Variants in PROX1 observed in about 807,000 individuals in gnomAD.
PROX1 encodes prospero homeobox protein 1.
Under a neutral mutation model 58.8 loss-of-function variants are expected in PROX1, and 7 were observed. The observed-to-expected ratio is 0.12, with a 90% CI of 0.07 to 0.22. The LOEUF (loss-of-function observed/expected upper bound fraction) is 0.22, where lower values mean the gene tolerates loss of function less well. Ranked by LOEUF, PROX1 falls within the 10% of genes least tolerant of loss-of-function variation. The probability of loss-of-function intolerance (pLI) is 1.00; values close to 1 mark genes in which losing one functional copy is unlikely to be tolerated. For missense variants in PROX1, 675 were observed against 927.8 expected (o/e 0.73, Z 3.54); for synonymous variants, 350 against 358.3 (o/e 0.98, Z 0.26).
At position 213,998,090 on chromosome 1, in the gene PROX1, A is replaced by G; in HGVS notation, c.1555A>G (p.Arg519Gly). ...CTCTCCTGAATCCTTAGACTTAACT[A>G]GGGATACCACGAGTCTGAGGACCAA... ...RASPESLDLTRDTTSLRTKMS... is the reference protein window; with the variant it reads ...RASPESLDLTGDTTSLRTKMS... The change falls in exon 2 of 5, where the codon AGG becomes GGG. Residue 519 changes from arginine (R) to glycine (G), a missense_variant. Coordinates refer to ENST00000366958, the MANE Select transcript of PROX1 (RefSeq NM_001270616.2). 1 of 1,614,054 alleles carries G rather than the reference A, an allele frequency of 6.2e-7. No homozygotes were observed. Among genetic ancestry groups the G allele is most frequent in the Non-Finnish European group, 8.5e-7 (1 of 1,179,972 alleles).
At chr1:214,034,675 A>AACAC (rs151165479) in intron 4 of PROX1, among the ~76,000 whole-genome samples, 23 of 151,258 alleles carry the variant, frequency 1.5e-4, no homozygotes, top group Non-Finnish European at 2.5e-4. Flanking sequence ...TAATTAAGAG[A>AACAC]ACACACACAC....
At position 213,996,723 on chromosome 1, in the gene PROX1, A is replaced by T. The variant is rs768629604; in HGVS notation, c.188A>T (p.Asp63Val). The change falls in exon 2 of 5, where the codon GAT becomes GTT. Residue 63 changes from aspartate (D) to valine (V), a missense_variant. Around this residue, in one of 8 missense-constraint regions of PROX1, gnomAD observed 157 missense variants for 197.8 expected, o/e 0.79. Coordinates refer to ENST00000366958, the MANE Select transcript of PROX1 (RefSeq NM_001270616.2). ...DVEYSVVQHA[D>V]GEKSNVLRKL... ...GAGTATTCAGTGGTGCAGCATGCAG[A>T]TGGGGAAAAGTCAAATGTACTCCGC... 1.2e-6 allele frequency: 2 copies of T among 1,614,216 alleles called. No homozygotes were observed. Among genetic ancestry groups the T allele is most frequent in the Admixed American group, 1.7e-5 (1 of 60,028 alleles).
At chr1:214,005,083 C>T in intron 2 of PROX1, 82 bp from the exon 3 acceptor site, 1 of 1,102,854 alleles carries the variant, frequency 9.1e-7, no homozygotes, top group East Asian at 2.4e-5. Flanking sequence ...CCCCCAGACT[C>T]TATGGAGGTG....
At chr1:213,983,627 TG>T (rs1464421223), upstream of PROX1, among the ~76,000 whole-genome samples, 1 of 152,130 alleles carries the variant, frequency 6.6e-6, no homozygotes, top group Non-Finnish European at 1.5e-5. Flanking sequence ...GAACCAAAGA[TG>T]GTGGGCAAGA....
In PROX1 at chr1:214,036,429, A is replaced by C. The variant is rs1664832424; in HGVS notation, c.*595A>C. On this transcript the variant is annotated 3_prime_UTR_variant, in exon 5 of 5. Transcript: ENST00000366958. ...CAAAAGGCCAAATTAAAAAAGAAAA[A>C]TAATCACTCTCAAGCCTTGTCTAAG... 6.6e-6 allele frequency: 1 copy of C among 152,206 alleles called. No homozygotes were observed. Among genetic ancestry groups the C allele is most frequent in the South Asian group, 2.1e-4 (1 of 4,834 alleles). 9.4% of individuals were successfully genotyped at this position (152,206 alleles called of 1,614,324 possible).
intron 4 of PROX1, among the ~76,000 whole-genome samples, chr1:214,013,026 G>T (rs774726560): frequency 2.6e-5 from 4 of 152,094 alleles, no homozygotes; most frequent in Non-Finnish European, 4.4e-5. Flanking sequence ...CAATGGGGAA[G>T]TCATAGTTTT....
chr1:214,015,057 G>A (rs1405746159), intron 4 of PROX1, among the ~76,000 whole-genome samples: 1 of 152,156 alleles, frequency 6.6e-6, no homozygotes, highest in Non-Finnish European at 1.5e-5. Context: ...TGGCAGTAGA[G>A]CTTGTTCTGC....
chr1:214,000,066 A>ACAC (rs1663443295), intron 2 of PROX1, among the ~76,000 whole-genome samples: 1 of 151,888 alleles, frequency 6.6e-6, no homozygotes, highest in African/African-American at 2.4e-5. Flanking sequence ...ACACACACAC[A>ACAC]GACACACACA....
At chr1:214,012,433 A>G (rs1663946299) in intron 4 of PROX1, among the ~76,000 whole-genome samples, 1 of 152,224 alleles carries the variant, frequency 6.6e-6, no homozygotes, top group South Asian at 2.1e-4. Context: ...GAATTCCCAG[A>G]AAGCAATATC....
upstream of PROX1, chr1:213,984,274 A>C (rs1318265053): frequency 6.6e-6 from 1 of 152,150 alleles, no homozygotes; most frequent in East Asian, 1.9e-4. Context: ...CTTTCGATGA[A>C]ATTATATTTT....
intron 4 of PROX1, among the ~76,000 whole-genome samples, chr1:214,026,050 T>A (rs1664446038): frequency 6.6e-6 from 1 of 152,214 alleles, no homozygotes; most frequent in Non-Finnish European, 1.5e-5. Context: ...GTGCTTCCAG[T>A]TGTTTTTAAG....
intron 4 of PROX1, among the ~76,000 whole-genome samples, chr1:214,025,663 CTTT>C (rs539954941): frequency 5.9e-5 from 8 of 136,512 alleles, no homozygotes; most frequent in Admixed American, 1.5e-4. Context: ...TCTGTGATTC[CTTT>C]TTTTTTTTTT....
chr1:214,026,419 T>C (rs1437385484), intron 4 of PROX1, among the ~76,000 whole-genome samples: 1 of 152,178 alleles, frequency 6.6e-6, no homozygotes, highest in Non-Finnish European at 1.5e-5. Context: ...CTACTGGGGC[T>C]ATGGAAGAGA....
At chr1:214,009,341 C>T (rs2102726219) in intron 3 of PROX1, among the ~76,000 whole-genome samples, 1 of 152,322 alleles carries the variant, frequency 6.6e-6, no homozygotes, top group South Asian at 2.1e-4. Context: ...CATTAACACA[C>T]TACAGAGCTT....
chr1:214,037,261 A>C lies in PROX1; in HGVS notation c.*1427A>C, dbSNP rs1470422773. 2 of 152,154 alleles carry C rather than the reference A, an allele frequency of 1.3e-5. No homozygotes were observed. Among genetic ancestry groups the C allele is most frequent in the Non-Finnish European group, 2.9e-5 (2 of 68,030 alleles). 9.4% of individuals were successfully genotyped at this position (152,154 alleles called of 1,614,324 possible). On this transcript the variant is annotated 3_prime_UTR_variant, in exon 5 of 5. Transcript: ENST00000366958. ...TAGGTGGGTTTTTGTGTCCAGATGCAGTAAGAATTCATTGTTCATCCTAAA... is the reference window on the plus strand; with the variant it reads ...TAGGTGGGTTTTTGTGTCCAGATGCCGTAAGAATTCATTGTTCATCCTAAA...
In PROX1 at chr1:214,037,725, T is replaced by C. The variant is rs543400426; in HGVS notation, c.*1891T>C. 4.6e-5 allele frequency: 7 copies of C among 152,148 alleles called. No individual in the cohort carries two copies. Among genetic ancestry groups the C allele is most frequent in the African/African-American group, 1.7e-4 (7 of 41,416 alleles). The allele number at this position is 152,148 out of a possible 1,614,324, so 9.4% of individuals were successfully genotyped here. Reference sequence around the variant, plus strand: ...CATCTCCCAGCTCACACTCTACTAATGCACAGAGTCATTAGATCCAATTTG... The same window carrying C: ...CATCTCCCAGCTCACACTCTACTAACGCACAGAGTCATTAGATCCAATTTG... On this transcript the variant is annotated 3_prime_UTR_variant, in exon 5 of 5. Coordinates refer to ENST00000366958, the MANE Select transcript of PROX1 (RefSeq NM_001270616.2).
chr1:213,990,439 G>T, intron 1 of PROX1, among the ~76,000 whole-genome samples: 1 of 100,982 alleles, frequency 9.9e-6, no homozygotes, highest in Middle Eastern at 0.012. Context: ...TTGGGGTGGG[G>T]GGTGGGGGCA....
chr1:214,039,285 T>G lies in PROX1; in HGVS notation c.*3451T>G, dbSNP rs1197339925. The stretch of plus-strand genomic sequence containing the variant: ...GTTTCACATTAAATGGTAAAACACA[T>G]GGAAGATGTTAGAATGTAGTAATTA... On this transcript the variant is annotated 3_prime_UTR_variant, in exon 5 of 5. Transcript: ENST00000366958. 6.6e-6 allele frequency: 1 copy of G among 152,132 alleles called. No homozygotes were observed. Among genetic ancestry groups the G allele is most frequent in the Non-Finnish European group, 1.5e-5 (1 of 68,026 alleles). 9.4% of individuals were successfully genotyped at this position (152,132 alleles called of 1,614,324 possible).
At position 213,997,431 on chromosome 1, in the gene PROX1, T is replaced by A; in HGVS notation, c.896T>A (p.Met299Lys). Residue 299 changes from methionine (M) to lysine (K), a missense_variant, in exon 2 of 5, where the codon ATG (methionine) becomes AAG (lysine). By Grantham distance (95) the Met-to-Lys change is moderately conservative. Transcript: ENST00000366958. The surrounding 1 kb of genome is among the most constrained non-coding windows in gnomAD (Gnocchi z 7.1). ...TCTGTCGGAAGGTCAGATAATGAGATGTGCGAGCTAGACCCAGGACAGTTT... is the reference window on the plus strand; with the variant it reads ...TCTGTCGGAAGGTCAGATAATGAGAAGTGCGAGCTAGACCCAGGACAGTTT... Reference protein sequence around the residue: ...QDSVGRSDNEMCELDPGQFID... With the variant: ...QDSVGRSDNEKCELDPGQFID... The A allele has an allele frequency of 6.2e-7, 1 of 1,614,020 alleles. No individual in the cohort carries two copies.
Sources: gnomAD v4.1 joint callset for allele counts (sites outside exome capture counted in the v4.1 genomes callset) on GRCh38, gnomAD v4.1.1 for gene constraint, gnomAD v4.1.1 regional missense constraint, Gnocchi (gnomAD v3.1) non-coding constraint, MANE v1.5 for transcripts, NCBI Gene and HGNC (gene_info 2026-07-23, HGNC 2026-07-21) for gene names.